Variants in LEMD3 observed in about 807,000 individuals in gnomAD.
The protein encoded by LEMD3 is LEM domain containing 3, also known as inner nuclear membrane protein Man1.
Under a neutral mutation model 95.2 loss-of-function variants are expected in LEMD3, and 33 were observed. That is an observed-to-expected ratio of 0.35 (90% CI 0.26 to 0.46). The LOEUF (loss-of-function observed/expected upper bound fraction) is 0.46, where lower values mean the gene tolerates loss of function less well. LEMD3 is among the 20% of genes least tolerant of loss of function. The pLI is 1.00. For synonymous variants in LEMD3, 525 were observed against 474.6 expected, an observed-to-expected ratio of 1.11 and a Z score of -1.38; for missense variants, 1,210 against 1,192.8, an observed-to-expected ratio of 1.01 and a Z score of -0.21.
At chr12:65,215,210 G>A (rs1870065622) in intron 2 of LEMD3, among the ~76,000 whole-genome samples, 1 of 152,116 alleles carries the variant, frequency 6.6e-6, no homozygotes, top group African/African-American at 2.4e-5. Context: ...CTTGCTCAGG[G>A]TCTTTCCCAT....
At chr12:65,214,577 G>T (rs532246205) in intron 2 of LEMD3, among the ~76,000 whole-genome samples, 1 of 152,132 alleles carries the variant, frequency 6.6e-6, no homozygotes, top group Non-Finnish European at 1.5e-5. Context: ...CACCCATAGT[G>T]TGCAAACATG....
chr12:65,181,990 T>C (rs1027476190), intron 1 of LEMD3, among the ~76,000 whole-genome samples: 13 of 152,066 alleles, frequency 8.5e-5, no homozygotes, highest in Non-Finnish European at 1.5e-4. Context: ...GAATTTTCAA[T>C]GTGTGTGAGC....
At chr12:65,244,284 CA>C (rs767620698) in intron 10 of LEMD3, among the ~76,000 whole-genome samples, 1,211 of 111,432 alleles carry the variant, frequency 0.011, 35 homozygotes, top group African/African-American at 0.023. Flanking sequence ...CACACACACA[CA>C]CCCCCCCCAC....
chr12:65,240,080 A>G, intron 7 of LEMD3, 50 bp downstream of exon 7: 1 of 1,550,946 alleles, frequency 6.4e-7, no homozygotes, highest in South Asian at 1.1e-5. Context: ...TCATTGCATG[A>G]TTAAACTACA....
chr12:65,187,500 C>T (rs1869103280), intron 1 of LEMD3, among the ~76,000 whole-genome samples: 1 of 152,016 alleles, frequency 6.6e-6, no homozygotes, highest in African/African-American at 2.4e-5. Flanking sequence ...ATCTGACTCC[C>T]ACTATGGGAT....
intron 1 of LEMD3, among the ~76,000 whole-genome samples, chr12:65,191,216 A>G (rs575596829): frequency 5.9e-5 from 9 of 152,186 alleles, no homozygotes; most frequent in Admixed American, 3.9e-4. Flanking sequence ...AAGACGAAAC[A>G]CTTTAGGATT....
intron 1 of LEMD3, among the ~76,000 whole-genome samples, chr12:65,191,515 G>A (rs752320960): frequency 8.5e-5 from 13 of 152,190 alleles, no homozygotes; most frequent in East Asian, 3.9e-4. Flanking sequence ...AGTGCTTACC[G>A]TGTAAATTTA....
intron 9 of LEMD3, among the ~76,000 whole-genome samples, chr12:65,242,836 T>C (rs1341848511): frequency 6.6e-6 from 1 of 152,244 alleles, no homozygotes; most frequent in Non-Finnish European, 1.5e-5. Flanking sequence ...CATCCTATTC[T>C]ACTCCTTAAA....
At chr12:65,213,589 T>A (rs1478540237) in intron 2 of LEMD3, among the ~76,000 whole-genome samples, 5 of 152,272 alleles carry the variant, frequency 3.3e-5, no homozygotes, top group East Asian at 3.9e-4. Flanking sequence ...TCTGAGTTCT[T>A]AAGTTATTTG....
intron 2 of LEMD3, among the ~76,000 whole-genome samples, chr12:65,212,964 T>G (rs1280692625): frequency 6.6e-6 from 1 of 152,204 alleles, no homozygotes; most frequent in Non-Finnish European, 1.5e-5. Context: ...TTTAGTGTAC[T>G]TGTACTAAAG....
At chr12:65,178,797 C>A (rs1868810690) in intron 1 of LEMD3, among the ~76,000 whole-genome samples, 1 of 152,068 alleles carries the variant, frequency 6.6e-6, no homozygotes, top group South Asian at 2.1e-4. Context: ...CTTAACTGTT[C>A]TTCTAGATTG....
chr12:65,170,755 C>T lies in LEMD3; in HGVS notation c.1159C>T (p.Leu387=), dbSNP rs146241425. ...STLDSSTGSL[L]KTNNHIGGGA... is the part of the protein sequence containing the mutation. ...CTTGGATTCGTCAACAGGCTCCCTT[C>T]TGAAAACCAATAATCATATTGGCGG... The change falls in exon 1 of 13, where the codon CTG becomes TTG. Residue 387 remains leucine (L), a synonymous_variant. Transcript: ENST00000308330. 96 of 1,614,224 alleles carry T rather than the reference C, an allele frequency of 5.9e-5. No individual in the cohort carries two copies. The African/African-American group carries it at 1.1e-3, about 18-fold the overall frequency.
chr12:65,218,085 T>C (rs1451114148), intron 3 of LEMD3, among the ~76,000 whole-genome samples: 2 of 152,204 alleles, frequency 1.3e-5, no homozygotes, highest in South Asian at 2.1e-4. Flanking sequence ...TTCAAACTTA[T>C]TTGAACCCTT....
chr12:65,212,578 T>C (rs1432023987), intron 2 of LEMD3, among the ~76,000 whole-genome samples: 1 of 150,220 alleles, frequency 6.7e-6, no homozygotes, highest in Non-Finnish European at 1.5e-5. Context: ...GAAAATTGGC[T>C]GAGGATTGAG....
rs558699140 is a variant in LEMD3, at chr12:65,240,058, T to G, written c.2023+28T>G. On this transcript the variant is annotated intron_variant, in intron 7 of 12. Coordinates refer to ENST00000308330, the MANE Select transcript of LEMD3 (RefSeq NM_014319.5). ...ATGATATTTGTAAGAATCTCAACTA[T>G]TTCTAGAAGAGTCATTGCATGATTA... is the stretch of plus-strand genomic sequence containing the variant. The G allele has an allele frequency of 6.4e-6, 10 of 1,557,472 alleles. No homozygotes were observed. The South Asian group carries it at 8.9e-5, about 14-fold the overall frequency.
In LEMD3 at chr12:65,247,788, A is replaced by G. The variant is rs1335297581; in HGVS notation, c.*1463A>G. The stretch of plus-strand genomic sequence containing the variant: ...TGGTTAAGTAAACATGATGCACACT[A>G]TTCTGTAACAGAAAGCCCTATTGTG... On this transcript the variant is annotated 3_prime_UTR_variant, in exon 13 of 13. Coordinates refer to ENST00000308330, the MANE Select transcript of LEMD3 (RefSeq NM_014319.5). 4 of 152,608 alleles carry G rather than the reference A, an allele frequency of 2.6e-5. No individual in the cohort carries two copies. The highest frequency in any genetic ancestry group is 5.9e-5 in the Non-Finnish European group (4 of 68,006). The allele number at this position is 152,608 out of a possible 1,614,324, so 9.5% of individuals were successfully genotyped here. A position where few individuals can be genotyped will look rare whatever the true frequency, so the allele number is the denominator to read the frequency against.
chr12:65,217,913 A>G (rs1304542727), intron 3 of LEMD3, among the ~76,000 whole-genome samples: 2 of 152,104 alleles, frequency 1.3e-5, no homozygotes, highest in African/African-American at 2.4e-5. Flanking sequence ...AAATTTATGG[A>G]GTCAAGCTGT....
chr12:65,189,692 T>A (rs1046513624), intron 1 of LEMD3, among the ~76,000 whole-genome samples: 4 of 152,212 alleles, frequency 2.6e-5, no homozygotes, highest in African/African-American at 9.6e-5. Flanking sequence ...ACAATAAGAC[T>A]AATTTGTTTG....
intron 1 of LEMD3, among the ~76,000 whole-genome samples, chr12:65,199,543 T>C (rs960344655): frequency 2.6e-5 from 4 of 152,114 alleles, no homozygotes; most frequent in African/African-American, 9.6e-5. Context: ...AATAAAATCT[T>C]ATTTCTAATG....
Sources: gnomAD v4.1 joint callset for allele counts (sites outside exome capture counted in the v4.1 genomes callset) on GRCh38, gnomAD v4.1.1 for gene constraint, MANE v1.5 for transcripts, NCBI Gene and HGNC (gene_info 2026-07-23, HGNC 2026-07-21) for gene names.